The following NLRP10 variants were observed in gnomAD, a reference collection of about 807,000 sequenced individuals.
NLRP10 encodes the protein NLR family pyrin domain containing 10.
In NLRP10, 7 loss-of-function variants were observed where a neutral mutation model predicts 8.2. The observed-to-expected ratio is 0.85, with a 90% CI of 0.48 to 1.60. The LOEUF (loss-of-function observed/expected upper bound fraction) is 1.60, where lower values mean the gene tolerates loss of function less well. Among genes scored for constraint, NLRP10 ranks in the 40% most tolerant of loss-of-function variants. The pLI is 0.00. For missense variants in NLRP10, 814 were observed against 776.3 expected (o/e 1.05, Z -0.58); for synonymous variants, 338 against 314.0 (o/e 1.08, Z -0.81).
chr11:7,962,326 C>T (rs1474884145), intron 2 of NLRP10, among the ~76,000 whole-genome samples: 1 of 142,680 alleles, frequency 7.0e-6, no homozygotes, highest in African/African-American at 2.6e-5. Context: ...AGCTCCGCCT[C>T]CCGGGTTCAC....
In NLRP10 at chr11:7,963,373, C is replaced by T; in HGVS notation, c.123G>A (p.Gln41=). ...YLRDMTLSEG[Q]PPLARGELEG... ...CCAACTCCCCTCTGGCCAGTGGGGGCTGGCCCTCAGACAGGGTCATATCCC... is the reference window on the plus strand; with the variant it reads ...CCAACTCCCCTCTGGCCAGTGGGGGTTGGCCCTCAGACAGGGTCATATCCC... The change falls in exon 2 of 3, where the codon CAG becomes CAA. Residue 41 remains glutamine, a synonymous_variant. Transcript: ENST00000691676. The T allele has an allele frequency of 6.2e-7, 1 of 1,614,146 alleles. No individual in the cohort carries two copies. Among genetic ancestry groups the T allele is most frequent in the Non-Finnish European group, 8.5e-7 (1 of 1,179,964 alleles).
Position 7,961,213 on chromosome 11 carries a change from C to G in NLRP10, c.399G>C (p.Glu133Asp). 6.2e-7 allele frequency: 1 copy of G among 1,613,850 alleles called. No individual in the cohort carries two copies. Among genetic ancestry groups the G allele is most frequent in the Non-Finnish European group, 8.5e-7 (1 of 1,179,892 alleles). ...QVLLVAKPSSESPESLACPFP... is the reference protein window; with the variant it reads ...QVLLVAKPSSDSPESLACPFP... The stretch of plus-strand genomic sequence containing the variant: ...AGGGGCAGGCAAGTGATTCTGGGCT[C>G]TCTGAGCTGGGCTTGGCCACCAGGA... Residue 133 changes from glutamate to aspartate, a missense_variant, in exon 3 of 3, where the codon GAG (glutamate) becomes GAC (aspartate). Physicochemically the swap from Glu to Asp is conservative, Grantham distance 45 (BLOSUM62 2). Coordinates refer to ENST00000691676, the MANE Select transcript of NLRP10 (RefSeq NM_001391958.1).
In NLRP10 at chr11:7,959,819, C is replaced by T. The variant is rs201769171; in HGVS notation, c.1793G>A (p.Ser598Asn). 2.7e-5 allele frequency: 44 copies of T among 1,613,820 alleles called. No individual in the cohort carries two copies. The highest frequency in any genetic ancestry group is 1.6e-4 in the Middle Eastern group (1 of 6,082). ...IKHSNEKKSQ[S>N]QNLFSVKSSL... is the part of the protein sequence containing the mutation. The stretch of plus-strand genomic sequence containing the variant: ...GCTTTTGACAGAAAATAAATTCTGG[C>T]TCTGTGATTTCTTTTCATTTGAATG... Residue 598 changes from serine to asparagine, a missense_variant, in exon 3 of 3, where the codon AGC becomes AAC. Transcript: ENST00000691676.
rs1941685763 is a variant in NLRP10, at chr11:7,960,034, G to A, written c.1578C>T (p.Phe526=). 5.0e-6 allele frequency: 8 copies of A among 1,613,988 alleles called. No homozygotes were observed. The highest frequency in any genetic ancestry group is 1.3e-5 in the African/African-American group (1 of 74,932). Residue 526 remains phenylalanine (F), a synonymous_variant, in exon 3 of 3, where the codon TTC becomes TTT. Coordinates refer to ENST00000691676, the MANE Select transcript of NLRP10 (RefSeq NM_001391958.1). ...AGCAGAACTTGAGCTCCAAGTTCGA[G>A]AAGCTGTCTTTTTTCGAGATGTCCA... ...FLLDISKKDS[F]SNLELKFCFR...
chr11:7,962,861 C>T (rs1941755389), intron 2 of NLRP10, among the ~76,000 whole-genome samples: 1 of 152,188 alleles, frequency 6.6e-6, no homozygotes. Context: ...ACCCCTACAT[C>T]CTGATGCTAT....
Position 7,960,649 on chromosome 11 carries a change from C to T in NLRP10, c.963G>A (p.Ala321=), listed in dbSNP as rs1291725129. 14 of 1,614,028 alleles carry T rather than the reference C, an allele frequency of 8.7e-6. No homozygotes were observed. Among genetic ancestry groups the T allele is most frequent in the Non-Finnish European group, 1.0e-5 (12 of 1,180,040 alleles). Residue 321 remains alanine, a synonymous_variant, in exon 3 of 3, where the codon GCG becomes GCA. Transcript: ENST00000691676. The stretch of plus-strand genomic sequence containing the variant: ...CCGTGAAATAGGAGCTGAAGTACCT[C>T]GCCCTCTCCTCCTCAGAGAAGCCTA... The part of the protein sequence containing the change: ...HILGFSEEER[A]RYFSSYFTDE...
At position 7,957,996 on chromosome 11, in the gene NLRP10, T is replaced by C. The variant is rs541692346; in HGVS notation, c.*1648A>G. Among the ~76,000 whole-genome samples the C allele has an allele frequency of 2.0e-5, 3 of 152,352 alleles. No individual in the cohort carries two copies. The highest frequency in any genetic ancestry group is 7.2e-5 in the African/African-American group (3 of 41,592). On this transcript the variant is annotated 3_prime_UTR_variant, in exon 3 of 3. Coordinates refer to ENST00000691676, the MANE Select transcript of NLRP10 (RefSeq NM_001391958.1). Reference sequence around the variant, plus strand: ...ATGTAGCCTTTTCAGACTGACTTCTTTCACTTAGTAGTTGCATTTAAGGCT... The same window carrying C: ...ATGTAGCCTTTTCAGACTGACTTCTCTCACTTAGTAGTTGCATTTAAGGCT...
chr11:7,964,798 A>G (rs1467592776), intron 1 of NLRP10, among the ~76,000 whole-genome samples: 1 of 152,246 alleles, frequency 6.6e-6, no homozygotes, highest in African/African-American at 2.4e-5. Context: ...GTAGAACCAA[A>G]ATGTAGGCCA....
rs1372068484 is a variant in NLRP10, at chr11:7,960,324, C to T, written c.1288G>A (p.Glu430Lys). The T allele has an allele frequency of 6.2e-7, 1 of 1,614,000 alleles. No homozygotes were observed. Among genetic ancestry groups the T allele is most frequent in the Non-Finnish European group, 8.5e-7 (1 of 1,180,030 alleles). ...GIQHQRFLFEEAELRKHNLDG... is the reference protein window; with the variant it reads ...GIQHQRFLFEKAELRKHNLDG... Reference sequence around the variant, plus strand: ...AAATTATGTTTCCTGAGCTCAGCTTCTTCAAATAGGAACCTCTGGTGCTGA... The same window carrying T: ...AAATTATGTTTCCTGAGCTCAGCTTTTTCAAATAGGAACCTCTGGTGCTGA... The change falls in exon 3 of 3, where the codon GAA becomes AAA. Residue 430 changes from glutamate (E) to lysine (K), a missense_variant. Transcript: ENST00000691676.
intron 2 of NLRP10, among the ~76,000 whole-genome samples, chr11:7,961,601 G>A (rs1941731766): frequency 6.6e-6 from 1 of 152,162 alleles, no homozygotes. Context: ...TGTGCTCGTG[G>A]ACCTTCATGT....
rs970837143 is a variant in NLRP10 at position 7,962,085 on chromosome 11, T to C, written c.290-763A>G. 5.3e-5 allele frequency among the ~76,000 whole-genome samples: 8 copies of C among 152,264 alleles called. No homozygotes were observed. The East Asian group carries it at 1.4e-3, about 26-fold the overall frequency. ...CCTTCTTCCATAACTGAAAGCTGCC[T>C]GAGGCCTCGCCAGAAGTCAATGTTG... On this transcript the variant is annotated intron_variant, in intron 2 of 2. Coordinates refer to ENST00000691676, the MANE Select transcript of NLRP10 (RefSeq NM_001391958.1).
At position 7,959,654 on chromosome 11, in the gene NLRP10, G is replaced by T. The variant is rs574424638; in HGVS notation, c.1958C>A (p.Thr653Asn). 6.5e-7 allele frequency: 1 copy of T among 1,531,110 alleles called. No individual in the cohort carries two copies. The highest frequency in any genetic ancestry group is 1.4e-5 in the African/African-American group (1 of 71,628). 94.8% of individuals were successfully genotyped at this position (1,531,110 alleles called of 1,614,324 possible). The change falls in exon 3 of 3, where the codon ACT becomes AAT. Residue 653 changes from threonine (T) to asparagine (N), a missense_variant. Transcript: ENST00000691676. ...CATATTTAATTAGGTTTATATGTAAGTATTTTTTGGTGTTTCCTCTGTCCC... is the reference window on the plus strand; with the variant it reads ...CATATTTAATTAGGTTTATATGTAATTATTTTTTGGTGTTTCCTCTGTCCC... ...GRGTEETPKN[T>N]YI
At position 7,959,803 on chromosome 11, in the gene NLRP10, A is replaced by G; in HGVS notation, c.1809T>C (p.Ser603=). ...GTCCATGACTCAAGCTGCTTTTGACAGAAAATAAATTCTGGCTCTGTGATT... is the reference window on the plus strand; with the variant it reads ...GTCCATGACTCAAGCTGCTTTTGACGGAAAATAAATTCTGGCTCTGTGATT... ...EKKSQSQNLF[S]VKSSLSHGPK... Residue 603 remains serine, a synonymous_variant, in exon 3 of 3, where the codon TCT becomes TCC. Coordinates refer to ENST00000691676, the MANE Select transcript of NLRP10 (RefSeq NM_001391958.1). 6.2e-7 allele frequency: 1 copy of G among 1,614,092 alleles called. No individual in the cohort carries two copies. Among genetic ancestry groups the G allele is most frequent in the African/African-American group, 1.3e-5 (1 of 75,010 alleles).
At chr11:7,961,781 G>A (rs550408369) in intron 2 of NLRP10, among the ~76,000 whole-genome samples, 1 of 152,328 alleles carries the variant, frequency 6.6e-6, no homozygotes, top group South Asian at 2.1e-4. Context: ...AGGGATGCCT[G>A]AGGATGGTGA....
rs1941763195 is a variant in NLRP10, at chr11:7,963,248, A to G, written c.248T>C (p.Leu83Pro). 2 of 1,614,100 alleles carry G rather than the reference A, an allele frequency of 1.2e-6. No individual in the cohort carries two copies. Among genetic ancestry groups the G allele is most frequent in the African/African-American group, 2.7e-5 (2 of 74,944 alleles). Residue 83 changes from leucine (L) to proline (P), a missense_variant, in exon 2 of 3, where the codon CTG becomes CCG. Coordinates refer to ENST00000691676, the MANE Select transcript of NLRP10 (RefSeq NM_001391958.1). ...GCTGAGCTGGTCCACAAGTTCCAAC[A>G]GGTTCATGACCTTCAAGCCCTTGAG... ...VVLKGLKVMN[L>P]LELVDQLSHI...
chr11:7,963,409 C>CT lies in NLRP10; in HGVS notation c.86dup (p.Phe30ValfsTer10). The CT allele has an allele frequency of 6.2e-7, 1 of 1,614,196 alleles. No homozygotes were observed. Among genetic ancestry groups the CT allele is most frequent in the Non-Finnish European group, 8.5e-7 (1 of 1,180,038 alleles). ...ACAGGGTCATATCCCGTAAGTAGAA[C>CT]TTTAACTTCTTGAAATCGTTCTCCT... On this transcript the variant is annotated frameshift_variant, in exon 2 of 3. Coordinates refer to ENST00000691676, the MANE Select transcript of NLRP10 (RefSeq NM_001391958.1). LOFTEE classifies it high-confidence loss of function.
Position 7,961,065 on chromosome 11 carries a change from C to A in NLRP10, c.547G>T (p.Ala183Ser), listed in dbSNP as rs529453927. 6.2e-7 allele frequency: 1 copy of A among 1,614,184 alleles called. No homozygotes were observed. The highest frequency in any genetic ancestry group is 1.3e-5 in the African/African-American group (1 of 75,040). Residue 183 changes from alanine (A) to serine (S), a missense_variant, in exon 3 of 3, where the codon GCC (alanine) becomes TCC (serine). Coordinates refer to ENST00000691676, the MANE Select transcript of NLRP10 (RefSeq NM_001391958.1). Reference sequence around the variant, plus strand: ...GCCCAGTCCAACACCATTTTTCTGGCGAGAGTTGTCTTTCCAGTGCCAGCC... The same window carrying A: ...GCCCAGTCCAACACCATTTTTCTGGAGAGAGTTGTCTTTCCAGTGCCAGCC... ...GSAGTGKTTL[A>S]RKMVLDWATG...
At chr11:7,961,379 G>A in intron 2 of NLRP10, 57 bp from the exon 3 acceptor site, 2 of 1,164,068 alleles carry the variant, frequency 1.7e-6, no homozygotes, top group Non-Finnish European at 2.5e-6. Flanking sequence ...AAGGCAAAAT[G>A]GCCCCTCCAA....
chr11:7,962,385 G>A (rs1201615286), intron 2 of NLRP10, among the ~76,000 whole-genome samples: 9 of 151,784 alleles, frequency 5.9e-5, no homozygotes, highest in Admixed American at 2.0e-4. Context: ...ACAGGCGCAC[G>A]CCACCATGCC....
Sources: allele counts gnomAD v4.1 joint callset (sites outside exome capture counted in the v4.1 genomes callset), GRCh38; gene constraint gnomAD v4.1.1; transcripts MANE v1.5; gene names NCBI Gene and HGNC (gene_info 2026-07-23, HGNC 2026-07-21).